UBE4A: variants seen among roughly 807,000 people sequenced by gnomAD.
UBE4A encodes the protein ubiquitin conjugation factor E4 A.
In UBE4A, 48 loss-of-function variants were observed where a neutral mutation model predicts 117.9. The observed-to-expected ratio is 0.41, with a 90% CI of 0.32 to 0.52. The LOEUF (loss-of-function observed/expected upper bound fraction) is 0.52, where lower values mean the gene tolerates loss of function less well. UBE4A is among the 20% of genes least tolerant of loss of function. UBE4A has a pLI of 0.33. For missense variants in UBE4A, 1,067 were observed against 1,296.3 expected, an observed-to-expected ratio of 0.82 and a Z score of 2.72; for synonymous variants, 407 against 450.0, an observed-to-expected ratio of 0.90 and a Z score of 1.21.
Position 118,389,443 on chromosome 11 carries a change from A to G in UBE4A, c.2588-282A>G, listed in dbSNP as rs188544846. On this transcript the variant is annotated intron_variant, in intron 16 of 19. Transcript: ENST00000252108. ...TGTCTGTGTGTGTGTAAATAAGGAC[A>G]GAAAAGCTAGAAGGACAAAATGTTA... is the stretch of plus-strand genomic sequence containing the variant. Among the ~76,000 whole-genome samples the G allele has an allele frequency of 9.2e-5, 14 of 152,374 alleles. No individual in the cohort carries two copies. In the East Asian group the frequency reaches 2.7e-3, roughly 29 times the overall value.
At chr11:118,367,659 G>C (rs908987347) in intron 2 of UBE4A, among the ~76,000 whole-genome samples, 4 of 151,482 alleles carry the variant, frequency 2.6e-5, no homozygotes, top group Admixed American at 2.0e-4. Flanking sequence ...GTGCCACCAC[G>C]CCTGGCTAAT....
chr11:118,384,944 A>G lies in UBE4A; in HGVS notation c.2411A>G (p.Gln804Arg). The change falls in exon 15 of 20, where the codon CAG becomes CGG. Residue 804 changes from glutamine (Q) to arginine (R), a missense_variant and splice_region_variant. Physicochemically the swap from Gln to Arg is conservative, Grantham distance 43 (BLOSUM62 1). Coordinates refer to ENST00000252108, the MANE Select transcript of UBE4A (RefSeq NM_001204077.2). The stretch of plus-strand genomic sequence containing the variant: ...ATCTTCCTTTTGGATGAAGCCATAC[A>G]GGTAAAAAAAAAAAAAAAAAAAAAG... The part of the protein sequence containing the change: ...DAIFLLDEAI[Q>R]YLSKIKIQQI... 1.4e-6 allele frequency: 2 copies of G among 1,464,972 alleles called. No homozygotes were observed. Among genetic ancestry groups the G allele is most frequent in the Non-Finnish European group, 1.9e-6 (2 of 1,075,726 alleles). The allele number at this position is 1,464,972 out of a possible 1,614,324, so 90.7% of individuals were successfully genotyped here.
At chr11:118,389,652 C>T in intron 16 of UBE4A, 73 bp from the exon 17 acceptor site, 3 of 1,350,252 alleles carry the variant, frequency 2.2e-6, no homozygotes, top group Non-Finnish European at 2.9e-6. Flanking sequence ...CAGAGGTCTC[C>T]AAATAAACTA....
chr11:118,396,538 TTTC>T lies in UBE4A; in HGVS notation c.*101_*103del. ...TGGTTCTGTTCCTTTTCTTTCTTCT[TTTC>T]TTTTTCTTTTTTTTTTTTTTTTTTA... On this transcript the variant is annotated 3_prime_UTR_variant, in exon 20 of 20. Transcript: ENST00000252108. 2 of 1,390,302 alleles carry T rather than the reference TTTC, an allele frequency of 1.4e-6. 1 individual carries two copies. The highest frequency in any genetic ancestry group is 1.9e-6 in the Non-Finnish European group (2 of 1,051,494). The allele number at this position is 1,390,302 out of a possible 1,614,324, so 86.1% of individuals were successfully genotyped here.
intron 15 of UBE4A, 57 bp downstream of exon 15, chr11:118,385,002 A>C (rs1205260984): frequency 6.3e-6 from 9 of 1,439,066 alleles, no homozygotes; most frequent in East Asian, 2.3e-5. Flanking sequence ...AATCATCAGC[A>C]GTACATACAT....
chr11:118,369,538 A>G lies in UBE4A; in HGVS notation c.408+3A>G. The G allele has an allele frequency of 6.2e-7, 1 of 1,612,108 alleles. No individual in the cohort carries two copies. ...TTGATATGAGCAATGTTGAGCAGGT[A>G]ATATTCTTACGTTCCTAATGTGTGC... On this transcript the variant is annotated splice_donor_region_variant and intron_variant, in intron 4 of 19. Coordinates refer to ENST00000252108, the MANE Select transcript of UBE4A (RefSeq NM_001204077.2).
At chr11:118,366,923 G>A (rs1948567951) in intron 2 of UBE4A, among the ~76,000 whole-genome samples, 1 of 152,132 alleles carries the variant, frequency 6.6e-6, no homozygotes, top group Non-Finnish European at 1.5e-5. Flanking sequence ...ACAAAAATTA[G>A]TCGGGCATGA....
At chr11:118,373,942 A>G (rs1948629974) in intron 8 of UBE4A, among the ~76,000 whole-genome samples, 1 of 151,800 alleles carries the variant, frequency 6.6e-6, no homozygotes, top group Non-Finnish European at 1.5e-5. Flanking sequence ...TGAGACCCCC[A>G]TGTCTACAAA....
intron 17 of UBE4A, among the ~76,000 whole-genome samples, chr11:118,390,367 A>G (rs1412736038): frequency 6.8e-6 from 1 of 146,392 alleles, no homozygotes; most frequent in African/African-American, 2.5e-5. Context: ...TATATATATT[A>G]AATATATAAT....
intron 15 of UBE4A, 37 bp from the exon 16 acceptor site, chr11:118,386,400 CT>C: frequency 6.4e-7 from 1 of 1,565,982 alleles, no homozygotes; most frequent in Non-Finnish European, 8.6e-7. Flanking sequence ...TCAACTGCAC[CT>C]TTCTTCTCTG....
At chr11:118,368,972 A>G (rs1417402719) in intron 3 of UBE4A, among the ~76,000 whole-genome samples, 168 bp downstream of exon 3, 1 of 152,238 alleles carries the variant, frequency 6.6e-6, no homozygotes, top group Non-Finnish European at 1.5e-5. Flanking sequence ...ACCTAAAAAC[A>G]GTATTTAGAT....
chr11:118,368,917 C>T (rs1591295489), intron 3 of UBE4A, 113 bp downstream of exon 3: 1 of 1,036,484 alleles, frequency 9.6e-7, no homozygotes, highest in South Asian at 1.5e-5. Context: ...ACTCACTGCA[C>T]TCCCTGGAAC....
chr11:118,390,451 ATATAT>A (rs1288695660), intron 17 of UBE4A, among the ~76,000 whole-genome samples: 17 of 145,514 alleles, frequency 1.2e-4, no homozygotes, highest in African/African-American at 3.5e-4. Context: ...ATAATAAAAT[ATATAT>A]TATATTTTAT....
intron 16 of UBE4A, 44 bp from the exon 17 acceptor site, chr11:118,389,681 G>C (rs1555127874): frequency 2.0e-6 from 3 of 1,529,656 alleles, no homozygotes; most frequent in Non-Finnish European, 1.8e-6. Flanking sequence ...AAGGAAAAGA[G>C]TGCTAATGGA....
chr11:118,382,233 T>C lies in UBE4A; in HGVS notation c.2010-356T>C, dbSNP rs578258483. Among the ~76,000 whole-genome samples the C allele has an allele frequency of 4.6e-5, 7 of 152,326 alleles. No homozygotes were observed. The South Asian group carries it at 1.4e-3, about 32-fold the overall frequency. On this transcript the variant is annotated intron_variant, in intron 12 of 19. Coordinates refer to ENST00000252108, the MANE Select transcript of UBE4A (RefSeq NM_001204077.2). ...CATAATTATATTCTAGTCTTTACCCTCAGAAAGCTTGAAAAGGCAAGTTTA... is the reference window on the plus strand; with the variant it reads ...CATAATTATATTCTAGTCTTTACCCCCAGAAAGCTTGAAAAGGCAAGTTTA...
At chr11:118,386,377 A>G (rs1948758311) in intron 15 of UBE4A, 61 bp from the exon 16 acceptor site, 11 of 1,536,468 alleles carry the variant, frequency 7.2e-6, no homozygotes, top group Non-Finnish European at 9.6e-6. Context: ...GACCTCTTAA[A>G]TGTCACGTCC....
intron 16 of UBE4A, among the ~76,000 whole-genome samples, chr11:118,387,806 C>G (rs1189435535): frequency 1.3e-5 from 2 of 151,992 alleles, no homozygotes; most frequent in African/African-American, 4.8e-5. Flanking sequence ...GGAAAGTAAA[C>G]CTAGGAGGAG....
intron 19 of UBE4A, 38 bp downstream of exon 19, chr11:118,392,933 A>G (rs1555128868): frequency 6.3e-7 from 1 of 1,592,480 alleles, no homozygotes; most frequent in Admixed American, 1.8e-5. Flanking sequence ...GAGCATATAT[A>G]TATATTAGTT....
In UBE4A at chr11:118,379,641, G is replaced by A. The variant is rs201444604; in HGVS notation, c.1767G>A (p.Val589=). The change falls in exon 11 of 20, where the codon GTG becomes GTA. Residue 589 remains valine, a synonymous_variant. Transcript: ENST00000252108. ...TACAAAACTGCCTAAACTTGCAGGT[G>A]TCCATGGCTGTTCTACTGGTTCAAC... is the stretch of plus-strand genomic sequence containing the variant. ...QMLQNCLNLQ[V]SMAVLLVQLA... 6.2e-7 allele frequency: 1 copy of A among 1,614,212 alleles called. No individual in the cohort carries two copies. The highest frequency in any genetic ancestry group is 2.2e-5 in the East Asian group (1 of 44,882).
Sources: allele counts gnomAD v4.1 joint callset (sites outside exome capture counted in the v4.1 genomes callset), GRCh38; gene constraint gnomAD v4.1.1; transcripts MANE v1.5; gene names NCBI Gene and HGNC (gene_info 2026-07-23, HGNC 2026-07-21).